NXPE2: variants seen among roughly 807,000 people sequenced by gnomAD.
The protein encoded by NXPE2 is neurexophilin and PC-esterase domain family member 2, also known as NXPE family member 2.
NXPE2 carries 34 observed loss-of-function variants against 34.4 expected under a neutral mutation model. The observed-to-expected ratio is 0.99, with a 90% confidence interval of 0.75 to 1.31. The LOEUF is 1.31. Among genes scored for constraint, NXPE2 ranks in the 40% most tolerant of loss-of-function variants. The pLI is 0.00. For synonymous variants in NXPE2, 235 were observed against 231.3 expected (o/e 1.02, Z -0.15); for missense variants, 649 against 672.5 (o/e 0.97, Z 0.39).
At chr11:114,583,855 T>A in the NXPE2 span, 1 of 394,332 alleles carries the variant, frequency 2.5e-6, no homozygotes, top group South Asian at 2.1e-5. Flanking sequence ...TTCATAAATA[T>A]GGAGAGTACT....
At chr11:114,514,989 C>A in the NXPE2 span, among the ~76,000 whole-genome samples, 3 of 152,084 alleles carry the variant, frequency 2.0e-5, no homozygotes, top group South Asian at 6.2e-4. Context: ...CTTCACCTGT[C>A]CTTCACCAAC....
At chr11:114,550,755 A>G in the NXPE2 span, among the ~76,000 whole-genome samples, 6 of 152,220 alleles carry the variant, frequency 3.9e-5, no homozygotes, top group African/African-American at 1.4e-4. Context: ...AAAGGAAATC[A>G]TAGACACAAT....
chr11:114,507,069 C>T, the NXPE2 span, among the ~76,000 whole-genome samples: 11 of 151,994 alleles, frequency 7.2e-5, no homozygotes, highest in African/African-American at 1.2e-4. Flanking sequence ...GAAATACAAA[C>T]GATGACCACA....
At chr11:114,651,196 G>A in the NXPE2 span, among the ~76,000 whole-genome samples, 4 of 152,094 alleles carry the variant, frequency 2.6e-5, no homozygotes, top group Non-Finnish European at 5.9e-5. Flanking sequence ...TCGCGGTTGA[G>A]TGTTACAGTT....
chr11:114,663,510 G>T, the NXPE2 span, among the ~76,000 whole-genome samples: 3 of 152,046 alleles, frequency 2.0e-5, no homozygotes, highest in African/African-American at 7.3e-5. Context: ...TTCAGTAGGG[G>T]TGTAAACTGG....
At chr11:114,510,678 G>A in the NXPE2 span, among the ~76,000 whole-genome samples, 2 of 152,144 alleles carry the variant, frequency 1.3e-5, no homozygotes, top group Non-Finnish European at 2.9e-5. Flanking sequence ...CATGAATAAA[G>A]GATTCTGGGA....
chr11:114,601,789 G>GATTATATATTATATAATTATATA, the NXPE2 span, among the ~76,000 whole-genome samples: 1 of 64,250 alleles, frequency 1.6e-5, no homozygotes, highest in Non-Finnish European at 2.6e-5. Flanking sequence ...TATATAACAT[G>GATTATATATTATATAATTATATA]TGATATATGA....
chr11:114,636,149 T>C, the NXPE2 span, among the ~76,000 whole-genome samples: 3 of 152,090 alleles, frequency 2.0e-5, no homozygotes, highest in South Asian at 6.2e-4. Context: ...GAGCCTGTTA[T>C]TGGTCTATTC....
chr11:114,639,776 A>C, the NXPE2 span, among the ~76,000 whole-genome samples: 1 of 129,020 alleles, frequency 7.8e-6, no homozygotes, highest in African/African-American at 3.0e-5. Flanking sequence ...ATAAAATAAT[A>C]TAAAATATAA....
the NXPE2 span, chr11:114,530,446 C>T: frequency 1.1e-5 from 17 of 1,614,106 alleles, no homozygotes; most frequent in Non-Finnish European, 1.4e-5. Context: ...GCCGACGCCC[C>T]TTCACTGGGG....
the NXPE2 span, among the ~76,000 whole-genome samples, chr11:114,627,009 T>C: frequency 6.6e-6 from 1 of 151,048 alleles, no homozygotes; most frequent in South Asian, 2.1e-4. Context: ...CCGAGAAATA[T>C]GGGACTATGT....
chr11:114,575,377 G>A, the NXPE2 span, among the ~76,000 whole-genome samples: 323 of 152,044 alleles, frequency 2.1e-3, 1 homozygote, highest in African/African-American at 6.7e-3. Flanking sequence ...AAGGACATCC[G>A]AATTGGTAAA....
At chr11:114,755,780 A>C in the NXPE2 span, among the ~76,000 whole-genome samples, 6 of 148,636 alleles carry the variant, frequency 4.0e-5, no homozygotes, top group Admixed American at 2.0e-4. Context: ...TATCTTATCT[A>C]TCTTGTTCTA....
chr11:114,632,977 T>C, the NXPE2 span, among the ~76,000 whole-genome samples: 3 of 103,714 alleles, frequency 2.9e-5, no homozygotes, highest in African/African-American at 1.2e-4. Context: ...TATTATATAT[T>C]ATATATTTTT....
the NXPE2 span, among the ~76,000 whole-genome samples, chr11:114,601,116 A>C: frequency 1.3e-5 from 2 of 151,890 alleles, no homozygotes; most frequent in African/African-American, 4.8e-5. Flanking sequence ...AAATAACTTT[A>C]GGGGCACAAG....
At chr11:114,540,786 A>G in the NXPE2 span, among the ~76,000 whole-genome samples, 5 of 134,654 alleles carry the variant, frequency 3.7e-5, no homozygotes, top group Non-Finnish European at 6.2e-5. Context: ...TTGATGTGTT[A>G]GCCTGAGGGC....
the NXPE2 span, among the ~76,000 whole-genome samples, chr11:114,616,481 C>T: frequency 2.6e-5 from 4 of 151,626 alleles, no homozygotes; most frequent in Admixed American, 6.6e-5. Flanking sequence ...AGTGTTGCCT[C>T]GAGGGTAACC....
intron 2 of NXPE2, among the ~76,000 whole-genome samples, chr11:114,680,982 C>T (rs1295388545): frequency 1.3e-5 from 2 of 152,106 alleles, no homozygotes; most frequent in Admixed American, 6.6e-5. Context: ...CAAATGGAAA[C>T]AAATTCTCTA....
the NXPE2 span, among the ~76,000 whole-genome samples, chr11:114,650,587 T>C: frequency 3.3e-5 from 5 of 152,008 alleles, no homozygotes; most frequent in Admixed American, 6.6e-5. Flanking sequence ...AAATCTACAC[T>C]GCAAAGGGAG....
Sources: allele counts gnomAD v4.1 joint callset (sites outside exome capture counted in the v4.1 genomes callset), GRCh38; gene constraint gnomAD v4.1.1; transcripts MANE v1.5; gene names NCBI Gene and HGNC (gene_info 2026-07-23, HGNC 2026-07-21).